CPQ: variants seen among roughly 807,000 people sequenced by gnomAD.
CPQ encodes carboxypeptidase Q.
Under a neutral mutation model 45.7 loss-of-function variants are expected in CPQ, and 37 were observed. The ratio of observed to expected loss-of-function variants is 0.81; its 90% CI spans 0.62 to 1.07. The LOEUF (loss-of-function observed/expected upper bound fraction) is 1.07, where lower values mean the gene tolerates loss of function less well. Ranked by LOEUF, CPQ falls within the 50% of genes least tolerant of loss-of-function variation. CPQ has a pLI of 0.00. For missense variants in CPQ, 537 were observed against 572.9 expected (o/e 0.94, Z 0.64); for synonymous variants, 186 against 205.8 (o/e 0.90, Z 0.82).
chr8:97,097,187 T>C (rs1811223214), intron 7 of CPQ, among the ~76,000 whole-genome samples: 1 of 152,176 alleles, frequency 6.6e-6, no homozygotes, highest in Non-Finnish European at 1.5e-5. Context: ...TCCCCCTTTT[T>C]TTGTTTAGTC....
chr8:96,714,281 G>A (rs1392159445), intron 1 of CPQ, among the ~76,000 whole-genome samples: 1 of 152,116 alleles, frequency 6.6e-6, no homozygotes, highest in East Asian at 1.9e-4. Flanking sequence ...GTGATTCTTA[G>A]GTTTGGCCAT....
At chr8:96,960,538 A>T (rs1333762306) in intron 4 of CPQ, among the ~76,000 whole-genome samples, 1 of 152,196 alleles carries the variant, frequency 6.6e-6, no homozygotes, top group African/African-American at 2.4e-5. Flanking sequence ...AATCTAGAGA[A>T]TAGTAATGGA....
At chr8:96,736,655 T>C (rs1269958208) in intron 1 of CPQ, among the ~76,000 whole-genome samples, 1 of 152,184 alleles carries the variant, frequency 6.6e-6, no homozygotes, top group Non-Finnish European at 1.5e-5. Flanking sequence ...GCCAGATAAA[T>C]GGCTGCATAC....
chr8:97,022,484 T>G (rs1467478854), intron 5 of CPQ, among the ~76,000 whole-genome samples: 1 of 152,084 alleles, frequency 6.6e-6, no homozygotes, highest in Non-Finnish European at 1.5e-5. Flanking sequence ...TCTATACATC[T>G]GACAAAGGAC....
chr8:96,773,499 G>A (rs562837837), intron 1 of CPQ, among the ~76,000 whole-genome samples: 1 of 152,150 alleles, frequency 6.6e-6, no homozygotes, highest in African/African-American at 2.4e-5. Context: ...TTCAACAAAG[G>A]GAACAGTATG....
intron 4 of CPQ, among the ~76,000 whole-genome samples, chr8:96,962,673 T>C (rs1813479633): frequency 6.6e-6 from 1 of 152,216 alleles, no homozygotes; most frequent in South Asian, 2.1e-4. Flanking sequence ...GGTATATTTT[T>C]CTGGGTTATC....
At chr8:96,845,781 G>T (rs1811679049) in intron 3 of CPQ, among the ~76,000 whole-genome samples, 1 of 152,074 alleles carries the variant, frequency 6.6e-6, no homozygotes, top group South Asian at 2.1e-4. Flanking sequence ...CCATAGATGT[G>T]ACTCATATAC....
intron 1 of CPQ, among the ~76,000 whole-genome samples, chr8:96,665,358 C>A (rs998694206): frequency 6.6e-6 from 1 of 152,104 alleles, no homozygotes; most frequent in Non-Finnish European, 1.5e-5. Flanking sequence ...AAGTGATAAA[C>A]AATGTGTTGG....
At chr8:96,685,096 C>T (rs1415214840) in intron 1 of CPQ, among the ~76,000 whole-genome samples, 1 of 71,516 alleles carries the variant, frequency 1.4e-5, no homozygotes, top group Non-Finnish European at 3.3e-5. Flanking sequence ...TAGAGTGAAA[C>T]TCCATCTCAA....
chr8:96,970,722 C>A (rs931613950), intron 5 of CPQ, among the ~76,000 whole-genome samples: 2 of 152,096 alleles, frequency 1.3e-5, no homozygotes, highest in Non-Finnish European at 1.5e-5. Flanking sequence ...CGCTACCACG[C>A]CCGGCTAATT....
chr8:96,811,152 A>G (rs1239884483), intron 2 of CPQ, among the ~76,000 whole-genome samples: 2 of 152,192 alleles, frequency 1.3e-5, no homozygotes, highest in African/African-American at 4.8e-5. Context: ...AAGAATCAAG[A>G]ATTTCACTGC....
At chr8:97,129,708 T>G (rs1036925647) in intron 7 of CPQ, among the ~76,000 whole-genome samples, 3 of 152,166 alleles carry the variant, frequency 2.0e-5, no homozygotes, top group African/African-American at 7.2e-5. Context: ...AATGAGGCTT[T>G]TTTCTTGTTA....
chr8:97,084,333 G>A (rs115075378), intron 7 of CPQ, among the ~76,000 whole-genome samples: 1 of 152,164 alleles, frequency 6.6e-6, no homozygotes, highest in African/African-American at 2.4e-5. Flanking sequence ...TACAGTTTAT[G>A]TATCCCGTGG....
chr8:96,649,064 C>T (rs759370150), intron 1 of CPQ, among the ~76,000 whole-genome samples: 1 of 152,262 alleles, frequency 6.6e-6, no homozygotes, highest in Non-Finnish European at 1.5e-5. Context: ...GCGACTTCCG[C>T]CTCCCGGTTC....
intron 3 of CPQ, among the ~76,000 whole-genome samples, chr8:96,844,694 A>G (rs188620186): frequency 2.3e-4 from 35 of 152,320 alleles, no homozygotes; most frequent in Middle Eastern, 3.4e-3. Flanking sequence ...ATCATTAGAT[A>G]GTGATGGGAC....
intron 5 of CPQ, among the ~76,000 whole-genome samples, chr8:97,007,192 A>G (rs545379019): frequency 1.3e-5 from 2 of 152,326 alleles, no homozygotes; most frequent in African/African-American, 4.8e-5. Context: ...AGGAGTGTCT[A>G]TTAAGGGAGA....
At chr8:96,764,454 A>G (rs1444080848) in intron 1 of CPQ, among the ~76,000 whole-genome samples, 1 of 152,206 alleles carries the variant, frequency 6.6e-6, no homozygotes, top group African/African-American at 2.4e-5. Flanking sequence ...ACATATATTC[A>G]TTCAGTTAAG....
chr8:96,835,220 G>T, intron 3 of CPQ, 40 bp downstream of exon 3: 1 of 1,381,192 alleles, frequency 7.2e-7, no homozygotes, highest in Non-Finnish European at 9.5e-7. Context: ...TCAAAAACAA[G>T]GGTTTTCCGT....
chr8:96,663,295 ACTC>A lies in CPQ; in HGVS notation c.-35+17897_-35+17899del, dbSNP rs368965903. 5.1e-3 allele frequency among the ~76,000 whole-genome samples: 747 copies of A among 147,218 alleles called. 2 individuals carry two copies. The highest frequency in any genetic ancestry group is 8.7e-3 in the Admixed American group (126 of 14,518). On this transcript the variant is annotated intron_variant, in intron 1 of 7. Transcript: ENST00000220763. ...TCTGGCACAAACTACACTGTAAACA[ACTC>A]CTCAAACATTTTCATCTGCATACAT...
Sources: gnomAD v4.1 joint callset for allele counts (sites outside exome capture counted in the v4.1 genomes callset) on GRCh38, gnomAD v4.1.1 for gene constraint, MANE v1.5 for transcripts, NCBI Gene and HGNC (gene_info 2026-07-23, HGNC 2026-07-21) for gene names.